Variants in RAB2A observed in about 807,000 individuals in gnomAD.
The protein encoded by RAB2A is RAB2A, member RAS oncogene family.
In RAB2A, 7 loss-of-function variants were observed where a neutral mutation model predicts 32.5. The ratio of observed to expected loss-of-function variants is 0.22; its 90% CI spans 0.12 to 0.40. The LOEUF is 0.40. Ranked by LOEUF, RAB2A falls within the 10% of genes least tolerant of loss-of-function variation. The probability of loss-of-function intolerance (pLI) is 1.00; values close to 1 mark genes in which losing one functional copy is unlikely to be tolerated. For missense variants in RAB2A, 108 were observed against 260.7 expected (o/e 0.41, Z 4.03); for synonymous variants, 79 against 85.2 (o/e 0.93, Z 0.40).
At chr8:60,579,398 A>C (rs1164448845) in intron 3 of RAB2A, among the ~76,000 whole-genome samples, 1 of 152,164 alleles carries the variant, frequency 6.6e-6, no homozygotes, top group Non-Finnish European at 1.5e-5. Context: ...AAGAGAACTT[A>C]CTGTCCACTC....
intron 5 of RAB2A, among the ~76,000 whole-genome samples, chr8:60,585,282 T>TTTTTG (rs112024465): frequency 0.18 from 26,149 of 148,512 alleles, 2,858 homozygotes; most frequent in African/African-American, 0.3. Context: ...GGCACCATTC[T>TTTTTG]TTTTGTTTTG....
At chr8:60,590,283 A>T (rs1246594420) in intron 5 of RAB2A, among the ~76,000 whole-genome samples, 2 of 151,766 alleles carry the variant, frequency 1.3e-5, no homozygotes, top group Non-Finnish European at 2.9e-5. Flanking sequence ...TTTAAAAAAA[A>T]ATTCTGATTA....
intron 1 of RAB2A, among the ~76,000 whole-genome samples, chr8:60,547,119 A>C (rs1807741821): frequency 6.6e-6 from 1 of 151,406 alleles, no homozygotes; most frequent in Non-Finnish European, 1.5e-5. Flanking sequence ...TGCTGCCTTC[A>C]AGCATCTGTT....
chr8:60,540,584 A>G (rs1391739340), intron 1 of RAB2A, among the ~76,000 whole-genome samples: 1 of 152,160 alleles, frequency 6.6e-6, no homozygotes, highest in Non-Finnish European at 1.5e-5. Context: ...GGTTTAAGCG[A>G]TTCCCGTGCC....
At chr8:60,565,547 C>A (rs1461398927) in intron 2 of RAB2A, among the ~76,000 whole-genome samples, 1 of 151,872 alleles carries the variant, frequency 6.6e-6, no homozygotes, top group Admixed American at 6.6e-5. Context: ...TTAAAATATA[C>A]CTCATTTATT....
intron 6 of RAB2A, among the ~76,000 whole-genome samples, chr8:60,612,782 G>C (rs1586116309): frequency 6.6e-6 from 1 of 152,182 alleles, no homozygotes; most frequent in Non-Finnish European, 1.5e-5. Context: ...AACTGTATGA[G>C]AGAAGTAACA....
At chr8:60,526,055 A>ATATATATATATATG (rs1554550797) in intron 1 of RAB2A, among the ~76,000 whole-genome samples, 2 of 100,072 alleles carry the variant, frequency 2.0e-5, no homozygotes, top group Non-Finnish European at 2.1e-5. Context: ...ATATATATAT[A>ATATATATATATATG]TAAGTTTTCT....
chr8:60,618,410 T>C (rs1356636566), intron 6 of RAB2A, among the ~76,000 whole-genome samples, 170 bp from the exon 7 acceptor site: 5 of 152,148 alleles, frequency 3.3e-5, no homozygotes, highest in Non-Finnish European at 7.4e-5. Flanking sequence ...TATAATGTAT[T>C]ACATCGATTG....
intron 2 of RAB2A, among the ~76,000 whole-genome samples, chr8:60,570,833 C>T (rs1808187724): frequency 6.6e-6 from 1 of 152,178 alleles, no homozygotes; most frequent in South Asian, 2.1e-4. Flanking sequence ...GTTTCTCACC[C>T]TTCTAATCAC....
intron 1 of RAB2A, among the ~76,000 whole-genome samples, chr8:60,526,842 G>A (rs55841758): frequency 0.12 from 18,633 of 151,838 alleles, 1,538 homozygotes; most frequent in East Asian, 0.26. Flanking sequence ...GGCGGCATGC[G>A]CCTGTAATCC....
intron 2 of RAB2A, 91 bp downstream of exon 2, chr8:60,559,014 TA>T: frequency 1.1e-6 from 1 of 882,238 alleles, no homozygotes; most frequent in Middle Eastern, 3.3e-4. Flanking sequence ...GTGATGATGC[TA>T]AAATCAGTGA....
intron 5 of RAB2A, among the ~76,000 whole-genome samples, chr8:60,590,684 G>T (rs376447818): frequency 6.6e-6 from 1 of 150,764 alleles, no homozygotes; most frequent in African/African-American, 2.4e-5. Flanking sequence ...AATTTAAGTT[G>T]TATTGCATTC....
At chr8:60,587,350 CAA>C (rs1042700837) in intron 5 of RAB2A, among the ~76,000 whole-genome samples, 7 of 152,002 alleles carry the variant, frequency 4.6e-5, no homozygotes, top group Non-Finnish European at 8.8e-5. Context: ...ATACCATTTA[CAA>C]AAATTAACTG....
intron 3 of RAB2A, among the ~76,000 whole-genome samples, chr8:60,575,653 C>CTTT (rs35451518): frequency 1.5e-4 from 17 of 113,210 alleles, no homozygotes; most frequent in Admixed American, 2.8e-4. Flanking sequence ...GGATATTTGT[C>CTTT]TTTTTTTTTT....
At chr8:60,582,234 G>A (rs985790929) in intron 3 of RAB2A, among the ~76,000 whole-genome samples, 2 of 151,978 alleles carry the variant, frequency 1.3e-5, no homozygotes, top group African/African-American at 4.8e-5. Context: ...ATTATACCCG[G>A]CTGTCTTCAG....
intron 6 of RAB2A, among the ~76,000 whole-genome samples, chr8:60,605,168 C>CT (rs1357469707): frequency 7.2e-5 from 11 of 152,312 alleles, no homozygotes; most frequent in Admixed American, 7.2e-4. Context: ...GCTCGGGACA[C>CT]TGTTTCAGAG....
intron 5 of RAB2A, among the ~76,000 whole-genome samples, chr8:60,589,193 G>A (rs1027157286): frequency 6.6e-6 from 1 of 152,142 alleles, no homozygotes; most frequent in Non-Finnish European, 1.5e-5. Flanking sequence ...GAAACATGAT[G>A]AGTGACAGCT....
intron 2 of RAB2A, among the ~76,000 whole-genome samples, chr8:60,560,983 G>A (rs1001545604): frequency 1.3e-5 from 2 of 152,204 alleles, no homozygotes; most frequent in African/African-American, 4.8e-5. Context: ...TGGGAAATAA[G>A]AGTCTGAAAG....
intron 1 of RAB2A, among the ~76,000 whole-genome samples, chr8:60,535,105 A>G (rs1011469020): frequency 1.2e-4 from 18 of 152,172 alleles, no homozygotes; most frequent in Non-Finnish European, 2.4e-4. Flanking sequence ...ATTTTTAGAC[A>G]CAGGTAGGAG....
Sources: gnomAD v4.1 joint callset for allele counts (sites outside exome capture counted in the v4.1 genomes callset) on GRCh38, gnomAD v4.1.1 for gene constraint, MANE v1.5 for transcripts, NCBI Gene and HGNC (gene_info 2026-07-23, HGNC 2026-07-21) for gene names.